Variants in PSMD1 observed in about 807,000 individuals in gnomAD.
PSMD1 encodes 26S proteasome non-ATPase regulatory subunit 1.
PSMD1 carries 18 observed loss-of-function variants against 119.0 expected under a neutral mutation model. That is an observed-to-expected ratio of 0.15 (90% CI 0.10 to 0.22). PSMD1 has a LOEUF of 0.22. Ranked by LOEUF, PSMD1 falls within the 10% of genes least tolerant of loss-of-function variation. PSMD1 has a pLI of 1.00. For missense variants in PSMD1, 702 were observed against 1,158.5 expected (o/e 0.61, Z 5.72); for synonymous variants, 374 against 396.6 (o/e 0.94, Z 0.68).
Position 231,056,915 on chromosome 2 carries a change from A to AGCGCACCCGGG in PSMD1, c.-109_-99dup. On this transcript the variant is annotated 5_prime_UTR_variant, in exon 1 of 25. Transcript: ENST00000308696. ...GGCCTGAGGAGGCGACTGACTGAGCAGCGCACCCGGGGAGCAAGGAGGCGC... is the reference window on the plus strand; with the variant it reads ...GGCCTGAGGAGGCGACTGACTGAGCAGCGCACCCGGGGCGCACCCGGGGAGCAAGGAGGCGC... 1 of 1,431,756 alleles carries AGCGCACCCGGG rather than the reference A, an allele frequency of 7.0e-7. No homozygotes were observed. The highest frequency in any genetic ancestry group is 9.5e-7 in the Non-Finnish European group (1 of 1,054,852). 88.7% of individuals were successfully genotyped at this position (1,431,756 alleles called of 1,614,324 possible). A position where few individuals can be genotyped will look rare whatever the true frequency, so the allele number is the denominator to read the frequency against.
chr2:231,163,564 T>C, intron 20 of PSMD1, 71 bp from the exon 21 acceptor site: 1 of 1,190,052 alleles, frequency 8.4e-7, no homozygotes, highest in Non-Finnish European at 1.2e-6. Flanking sequence ...TTTGGTCTCC[T>C]TTTGTATCCG....
chr2:231,129,438 T>C (rs976358289), intron 16 of PSMD1, among the ~76,000 whole-genome samples: 1 of 152,212 alleles, frequency 6.6e-6, no homozygotes, highest in African/African-American at 2.4e-5. Flanking sequence ...TCTTCTTACA[T>C]CTTTAAAATT....
intron 7 of PSMD1, 76 bp downstream of exon 7, chr2:231,072,491 A>G (rs1574708052): frequency 1.5e-6 from 2 of 1,308,502 alleles, no homozygotes; most frequent in East Asian, 2.3e-5. Context: ...GAATATTTAT[A>G]GGAAGCATAT....
intron 16 of PSMD1, among the ~76,000 whole-genome samples, chr2:231,093,399 C>T (rs982138959): frequency 2.0e-5 from 3 of 152,156 alleles, no homozygotes; most frequent in East Asian, 1.9e-4. Context: ...AGGTAAAGTC[C>T]GGGGCTTGTG....
At chr2:231,085,235 A>T in intron 15 of PSMD1, 121 bp downstream of exon 15, 1 of 777,918 alleles carries the variant, frequency 1.3e-6, no homozygotes, top group Non-Finnish European at 2.2e-6. Flanking sequence ...TTAGGTTGTG[A>T]TTCTCATTTA....
chr2:231,157,457 T>C (rs1014616632), intron 19 of PSMD1, among the ~76,000 whole-genome samples: 1 of 151,120 alleles, frequency 6.6e-6, no homozygotes. Flanking sequence ...TATCTTCTTT[T>C]TTTGTTTGGG....
At chr2:231,135,164 G>C (rs79312027) in intron 16 of PSMD1, among the ~76,000 whole-genome samples, 2,743 of 152,256 alleles carry the variant, frequency 0.018, 98 homozygotes, top group African/African-American at 0.063. Flanking sequence ...AGCCTTATAG[G>C]AGTGAAAATA....
At chr2:231,083,825 C>G (rs1694371084) in intron 14 of PSMD1, 62 bp downstream of exon 14, 2 of 1,506,478 alleles carry the variant, frequency 1.3e-6, no homozygotes, top group Non-Finnish European at 1.8e-6. Flanking sequence ...CACTTAACTT[C>G]ACTGGAAATT....
In PSMD1 at chr2:231,135,113, A is replaced by G. The variant is rs150088629; in HGVS notation, c.1884-3623A>G. Among the ~76,000 whole-genome samples, 191 of 152,338 alleles carry G rather than the reference A, an allele frequency of 1.3e-3. 1 individual carries two copies. The highest frequency in any genetic ancestry group is 4.3e-3 in the African/African-American group (179 of 41,584). Reference sequence around the variant, plus strand: ...CAAAACACTTGAGTGAGTTTGTTAGATGATTTGGGTATCAAATTACGGAAA... The same window carrying G: ...CAAAACACTTGAGTGAGTTTGTTAGGTGATTTGGGTATCAAATTACGGAAA... On this transcript the variant is annotated intron_variant, in intron 16 of 24. Transcript: ENST00000308696.
At chr2:231,110,926 C>G (rs936526257) in intron 16 of PSMD1, among the ~76,000 whole-genome samples, 5 of 152,186 alleles carry the variant, frequency 3.3e-5, no homozygotes, top group Non-Finnish European at 5.9e-5. Context: ...AGTTTGCTGA[C>G]CCCTGCTTTA....
intron 23 of PSMD1, among the ~76,000 whole-genome samples, 171 bp downstream of exon 23, chr2:231,166,188 G>A (rs1415798965): frequency 6.6e-6 from 1 of 152,134 alleles, no homozygotes; most frequent in African/African-American, 2.4e-5. Flanking sequence ...ATAGATTTGG[G>A]AGAATTTTTC....
At chr2:231,065,134 G>A (rs1038450904) in intron 4 of PSMD1, among the ~76,000 whole-genome samples, 1 of 149,626 alleles carries the variant, frequency 6.7e-6, no homozygotes, top group Non-Finnish European at 1.5e-5. Context: ...TTTATTTCTT[G>A]GGGCTATGGT....
Position 231,056,883 on chromosome 2 carries a change from A to G in PSMD1, c.-143A>G. On this transcript the variant is annotated 5_prime_UTR_variant, in exon 1 of 25. Transcript: ENST00000308696. ...GCGGGCGGGGTCCTGGCGAGAAGCG[A>G]GCCGGCGGCCTGAGGAGGCGACTGA... 2 of 1,175,378 alleles carry G rather than the reference A, an allele frequency of 1.7e-6. No individual in the cohort carries two copies. The highest frequency in any genetic ancestry group is 2.7e-5 in the South Asian group (2 of 74,968). 72.8% of individuals were successfully genotyped at this position (1,175,378 alleles called of 1,614,324 possible).
chr2:231,085,162 C>A, intron 15 of PSMD1, 48 bp downstream of exon 15: 1 of 1,474,622 alleles, frequency 6.8e-7, no homozygotes, highest in Non-Finnish European at 9.5e-7. Context: ...GAAAAGCTTG[C>A]AGATGGACAA....
chr2:231,113,849 G>T (rs1695241977), intron 16 of PSMD1: 1 of 1,614,028 alleles, frequency 6.2e-7, no homozygotes, highest in South Asian at 1.1e-5. Flanking sequence ...GCACAGAGAT[G>T]CATGATGGAT....
rs1409012140 is a variant in PSMD1 at position 231,067,042 on chromosome 2, T to C, written c.441T>C (p.Tyr147=). 14 of 1,614,030 alleles carry C rather than the reference T, an allele frequency of 8.7e-6. No individual in the cohort carries two copies. The highest frequency in any genetic ancestry group is 1.2e-5 in the Non-Finnish European group (14 of 1,180,002). ...AGCGATGTCTAGATGATCACAAGTA[T>C]AAACAGGCTATTGGCATTGCTCTGG... is the stretch of plus-strand genomic sequence containing the variant. ...MFQRCLDDHK[Y]KQAIGIALET... The change falls in exon 5 of 25, where the codon TAT becomes TAC. Residue 147 remains tyrosine (Y), a synonymous_variant. Transcript: ENST00000308696.
intron 5 of PSMD1, among the ~76,000 whole-genome samples, 197 bp from the exon 6 acceptor site, chr2:231,069,828 A>G (rs1199508476): frequency 6.6e-6 from 1 of 152,146 alleles, no homozygotes; most frequent in Non-Finnish European, 1.5e-5. Flanking sequence ...ATTTTTTATG[A>G]TGATGTGGAA....
chr2:231,142,844 T>C (rs900740872), intron 17 of PSMD1, among the ~76,000 whole-genome samples: 2 of 152,204 alleles, frequency 1.3e-5, no homozygotes, highest in African/African-American at 4.8e-5. Context: ...GTTTCAGTAA[T>C]GTAGGGAGAA....
intron 16 of PSMD1, chr2:231,113,609 A>G (rs1695230848): frequency 2.4e-6 from 2 of 844,136 alleles, no homozygotes. Context: ...ATGTTAATGT[A>G]TCAGTAGGCT....
Sources: gnomAD v4.1 joint callset for allele counts (sites outside exome capture counted in the v4.1 genomes callset) on GRCh38, gnomAD v4.1.1 for gene constraint, MANE v1.5 for transcripts, NCBI Gene and HGNC (gene_info 2026-07-23, HGNC 2026-07-21) for gene names.